The following GPHN variants were observed in gnomAD, a reference collection of about 807,000 sequenced individuals.
The protein encoded by GPHN is gephyrin.
A neutral mutation model predicts 95.5 loss-of-function variants in GPHN; 17 were observed. The observed-to-expected ratio is 0.18, with a 90% confidence interval of 0.12 to 0.27. The LOEUF (loss-of-function observed/expected upper bound fraction) is 0.27. Among genes scored for constraint, GPHN ranks in the 10% least tolerant of loss-of-function variants. The pLI is 1.00. For synonymous variants in GPHN, 320 were observed against 322.5 expected (o/e 0.99, Z 0.08); for missense variants, 660 against 978.1 (o/e 0.67, Z 4.34).
At chr14:66,586,454 C>T (rs1022400396) in intron 1 of GPHN, among the ~76,000 whole-genome samples, 2 of 152,092 alleles carry the variant, frequency 1.3e-5, no homozygotes, top group Non-Finnish European at 1.5e-5. Context: ...TTATTTTGCT[C>T]GTTAGTTGAT....
intron 1 of GPHN, among the ~76,000 whole-genome samples, chr14:66,528,156 G>C (rs1319382272): frequency 6.6e-6 from 1 of 152,058 alleles, no homozygotes. Context: ...TCCAGTATTG[G>C]GTGCATATAT....
intron 9 of GPHN, chr14:66,985,770 T>G: frequency 7.6e-7 from 1 of 1,317,976 alleles, no homozygotes; most frequent in Non-Finnish European, 1.1e-6. Flanking sequence ...TTTGGCAAGA[T>G]TTCGTCTATA....
At chr14:66,537,408 A>T (rs1594867566) in intron 1 of GPHN, among the ~76,000 whole-genome samples, 2 of 151,768 alleles carry the variant, frequency 1.3e-5, no homozygotes, top group East Asian at 3.9e-4. Flanking sequence ...TTCTGTGGTT[A>T]TTTTTTAGTT....
intron 8 of GPHN, among the ~76,000 whole-genome samples, chr14:66,957,300 A>G (rs1035887024): frequency 1.4e-5 from 2 of 146,812 alleles, no homozygotes; most frequent in South Asian, 2.1e-4. Flanking sequence ...AGTTCAAGCA[A>G]TTCTCCTACC....
chr14:67,215,361 A>AC, the GPHN span, among the ~76,000 whole-genome samples: 1 of 151,914 alleles, frequency 6.6e-6, no homozygotes, highest in South Asian at 2.1e-4. Flanking sequence ...TACCGAGGGC[A>AC]CAGAAGTCAC....
chr14:67,646,463 T>C, the GPHN span: 1 of 574,746 alleles, frequency 1.7e-6, no homozygotes, highest in Non-Finnish European at 3.1e-6. Flanking sequence ...TCAGCTGCCC[T>C]TCTGAAACAT....
At chr14:67,401,256 G>A in the GPHN span, among the ~76,000 whole-genome samples, 2 of 152,114 alleles carry the variant, frequency 1.3e-5, no homozygotes, top group East Asian at 3.9e-4. Flanking sequence ...GGAGGCTGAG[G>A]CAGAAGGATT....
the GPHN span, chr14:67,395,655 G>C: frequency 4.4e-6 from 6 of 1,368,320 alleles, no homozygotes; most frequent in African/African-American, 1.5e-5. Context: ...AAAAATGACG[G>C]GGCCCCGGGA....
At chr14:66,541,272 G>A (rs2059343181) in intron 1 of GPHN, among the ~76,000 whole-genome samples, 1 of 152,090 alleles carries the variant, frequency 6.6e-6, no homozygotes, top group South Asian at 2.1e-4. Context: ...CACAAGTTTG[G>A]GTCTGATCCA....
At chr14:66,837,687 C>T (rs1052558996) in intron 4 of GPHN, among the ~76,000 whole-genome samples, 15 of 149,948 alleles carry the variant, frequency 1.0e-4, no homozygotes, top group Non-Finnish European at 2.2e-4. Flanking sequence ...GGTCCTATTC[C>T]ACACAGTAGC....
the GPHN span, among the ~76,000 whole-genome samples, chr14:67,194,851 T>A: frequency 6.6e-6 from 1 of 152,108 alleles, no homozygotes; most frequent in Non-Finnish European, 1.5e-5. Context: ...AGAGTCAGGG[T>A]TTCACAACGT....
At chr14:66,766,749 ATG>A (rs1284675990) in intron 2 of GPHN, among the ~76,000 whole-genome samples, 1 of 152,166 alleles carries the variant, frequency 6.6e-6, no homozygotes, top group Non-Finnish European at 1.5e-5. Flanking sequence ...TTATATGCAC[ATG>A]TGTTTGTATA....
At chr14:67,422,279 T>C in the GPHN span, among the ~76,000 whole-genome samples, 13 of 152,230 alleles carry the variant, frequency 8.5e-5, no homozygotes, top group African/African-American at 2.9e-4. Context: ...CTGCCTTGCC[T>C]TCCCCTTGAA....
intron 4 of GPHN, among the ~76,000 whole-genome samples, chr14:66,846,339 T>C (rs541638798): frequency 1.1e-4 from 17 of 152,164 alleles, no homozygotes; most frequent in Non-Finnish European, 2.1e-4. Context: ...TCTCAGAACC[T>C]TTTAAGAAAG....
At chr14:66,551,637 T>G (rs550209371) in intron 1 of GPHN, among the ~76,000 whole-genome samples, 57 of 152,156 alleles carry the variant, frequency 3.7e-4, no homozygotes, top group Non-Finnish European at 6.2e-4. Flanking sequence ...ACTGGGTAAT[T>G]GATAAAGAAA....
intron 2 of GPHN, among the ~76,000 whole-genome samples, chr14:66,715,685 T>G (rs2070109645): frequency 6.6e-6 from 1 of 152,184 alleles, no homozygotes; most frequent in African/African-American, 2.4e-5. Context: ...GTGTCACTAT[T>G]GTAGTTCAGT....
the GPHN span, chr14:67,353,040 C>T: frequency 6.2e-7 from 1 of 1,601,520 alleles, no homozygotes; most frequent in African/African-American, 1.3e-5. Context: ...TGGTCTGTGC[C>T]CTATATAAAC....
chr14:67,008,710 A>C (rs992683525), intron 9 of GPHN, among the ~76,000 whole-genome samples: 5 of 151,506 alleles, frequency 3.3e-5, no homozygotes, highest in African/African-American at 1.2e-4. Flanking sequence ...ATGCCCAGCT[A>C]ATTTTTTGTG....
At chr14:66,548,178 A>ATT (rs564746424) in intron 1 of GPHN, among the ~76,000 whole-genome samples, 41 of 116,120 alleles carry the variant, frequency 3.5e-4, no homozygotes, top group South Asian at 5.4e-4. Flanking sequence ...TACTATTGTA[A>ATT]TTTTTTTTTT....
Sources: allele counts gnomAD v4.1 joint callset (sites outside exome capture counted in the v4.1 genomes callset), GRCh38; gene constraint gnomAD v4.1.1; transcripts MANE v1.5; gene names NCBI Gene and HGNC (gene_info 2026-07-23, HGNC 2026-07-21).